Variants in BRD8 observed in about 807,000 individuals in gnomAD.
BRD8 encodes bromodomain containing 8, also known as bromodomain-containing protein 8.
Under a neutral mutation model 143.1 loss-of-function variants are expected in BRD8, and 67 were observed. The observed-to-expected ratio is 0.47, with a 90% CI of 0.38 to 0.57. The LOEUF is 0.57. Ranked by LOEUF, BRD8 falls within the 20% of genes least tolerant of loss-of-function variation. BRD8 has a pLI of 0.00. For missense variants in BRD8, 1,103 were observed against 1,503.0 expected, an observed-to-expected ratio of 0.73 and a Z score of 4.40; for synonymous variants, 505 against 517.1, an observed-to-expected ratio of 0.98 and a Z score of 0.32.
At position 138,164,864 on chromosome 5, in the gene BRD8, T is replaced by C. The variant is rs1388269238; in HGVS notation, c.1581A>G (p.Gly527=). ...GCTCCATACTTGTGGCTGGAACAAC[T>C]CCAGCTACTATTTCGGCTCCTGAAA... The part of the protein sequence containing the change: ...PVISGAEIVA[G]VVPATSMEPP... The change falls in exon 12 of 27, where the codon GGA becomes GGG. Residue 527 remains glycine, a synonymous_variant. Transcript: ENST00000254900. 6.8e-6 allele frequency: 11 copies of C among 1,614,072 alleles called. No individual in the cohort carries two copies. Among genetic ancestry groups the C allele is most frequent in the Middle Eastern group, 1.6e-4 (1 of 6,084 alleles).
intron 20 of BRD8, among the ~76,000 whole-genome samples, chr5:138,153,929 G>C (rs1006381074): frequency 6.6e-6 from 1 of 151,774 alleles, no homozygotes; most frequent in African/African-American, 2.4e-5. Flanking sequence ...ACCCACCTTT[G>C]CCTCCCAAAG....
chr5:138,162,792 T>A (rs1156483407), intron 15 of BRD8, among the ~76,000 whole-genome samples: 1 of 151,542 alleles, frequency 6.6e-6, no homozygotes, highest in Non-Finnish European at 1.5e-5. Flanking sequence ...AGCTCAGGAG[T>A]TTGAGACCAG....
chr5:138,168,385 C>T, intron 8 of BRD8: 1 of 939,362 alleles, frequency 1.1e-6, no homozygotes, highest in Non-Finnish European at 1.7e-6. Flanking sequence ...AACTTTTATT[C>T]CCCATGTCAC....
intron 3 of BRD8, 92 bp from the exon 4 acceptor site, chr5:138,171,502 G>A: frequency 2.4e-6 from 2 of 844,424 alleles, no homozygotes; most frequent in Non-Finnish European, 3.9e-6. Flanking sequence ...GTAAGATTTA[G>A]AGAAGAGAAC....
chr5:138,156,780 C>A, intron 20 of BRD8: 1 of 939,404 alleles, frequency 1.1e-6, no homozygotes, highest in Non-Finnish European at 1.3e-6. Flanking sequence ...GTAACAATCT[C>A]ATTCCTACAA....
intron 23 of BRD8, among the ~76,000 whole-genome samples, chr5:138,147,849 G>A (rs2151183067): frequency 6.6e-6 from 1 of 151,954 alleles, no homozygotes; most frequent in Non-Finnish European, 1.5e-5. Context: ...GAGGTGAGAG[G>A]ATCACCTGAG....
Position 138,172,182 on chromosome 5 carries a change from G to C in BRD8, c.117-48C>G. Reference sequence around the variant, plus strand: ...TTACACACCAAGCAGAAAACAATAGGAGAGGTATGCTGAGAGTGCAAGGCT... The same window carrying C: ...TTACACACCAAGCAGAAAACAATAGCAGAGGTATGCTGAGAGTGCAAGGCT... On this transcript the variant is annotated intron_variant, in intron 2 of 26. Coordinates refer to ENST00000254900, the MANE Select transcript of BRD8 (RefSeq NM_139199.2). 2.0e-6 allele frequency: 3 copies of C among 1,464,602 alleles called. No individual in the cohort carries two copies. The South Asian group carries it at 3.4e-5, about 17-fold the overall frequency. 90.7% of individuals were successfully genotyped at this position (1,464,602 alleles called of 1,614,324 possible).
In BRD8 at chr5:138,162,070, C is replaced by T; in HGVS notation, c.2164G>A (p.Ala722Thr). The change falls in exon 16 of 27, where the codon GCT (alanine) becomes ACT (threonine). Residue 722 changes from alanine (A) to threonine (T), a missense_variant. Physicochemically the swap from Ala to Thr is moderately conservative, Grantham distance 58. This residue lies in a region of BRD8 where 64 missense variants were observed against 211.3 expected (regional missense o/e 0.30). Coordinates refer to ENST00000254900, the MANE Select transcript of BRD8 (RefSeq NM_139199.2). Reference sequence around the variant, plus strand: ...CCCACTCACCTATGATTAGCTGCAGCTCTCCATACAAGCATGATGGCTTTC... The same window carrying T: ...CCCACTCACCTATGATTAGCTGCAGTTCTCCATACAAGCATGATGGCTTTC... Reference protein sequence around the residue: ...WKKAIMLVWRAAANHRYANVF... With the variant: ...WKKAIMLVWRTAANHRYANVF... 6.2e-7 allele frequency: 1 copy of T among 1,613,830 alleles called. No homozygotes were observed. Among genetic ancestry groups the T allele is most frequent in the Non-Finnish European group, 8.5e-7 (1 of 1,179,832 alleles).
chr5:138,164,100 C>A lies in BRD8; in HGVS notation c.1859G>T (p.Gly620Val), dbSNP rs1320074581. The change falls in exon 14 of 27, where the codon GGA becomes GTA. Residue 620 changes from glycine to valine, a missense_variant. Coordinates refer to ENST00000254900, the MANE Select transcript of BRD8 (RefSeq NM_139199.2). ...SLKEESGTIF[G>V]SQIKDAPGED... ...AGTCTGAAATACCTTTATCTGGCTT[C>A]CAAAAATAGTCCCTGATTCTTCTTT... The A allele has an allele frequency of 6.2e-7, 1 of 1,613,918 alleles. No homozygotes were observed. Among genetic ancestry groups the A allele is most frequent in the African/African-American group, 1.3e-5 (1 of 74,910 alleles).
At chr5:138,176,618 G>A (rs568836292) in intron 2 of BRD8, among the ~76,000 whole-genome samples, 4 of 152,012 alleles carry the variant, frequency 2.6e-5, no homozygotes, top group Non-Finnish European at 5.9e-5. Flanking sequence ...CTTGCTTGGG[G>A]GTGGTGAGGA....
rs934252386 is a variant in BRD8, at chr5:138,169,308, G to A, written c.556C>T (p.Arg186Cys). The change falls in exon 8 of 27, where the codon CGC (arginine) becomes TGC (cysteine). Residue 186 changes from arginine (R) to cysteine (C), a missense_variant. By Grantham distance (180) the Arg-to-Cys change is radical (BLOSUM62 -3). Coordinates refer to ENST00000254900, the MANE Select transcript of BRD8 (RefSeq NM_139199.2). ...PPRRLPTVMV[R>C]SPIDSASPGG... ...GGGGAGGCAGAATCTATAGGAGAGCGAACCATCACAGTGGGTAACCTCCGG... is the reference window on the plus strand; with the variant it reads ...GGGGAGGCAGAATCTATAGGAGAGCAAACCATCACAGTGGGTAACCTCCGG... 9.3e-6 allele frequency: 15 copies of A among 1,613,974 alleles called. No homozygotes were observed. The highest frequency in any genetic ancestry group is 6.7e-5 in the African/African-American group (5 of 74,910).
rs1220696588 is a variant in BRD8 at position 138,166,645 on chromosome 5, A to G, written c.870T>C (p.Ser290=). 4 of 1,613,834 alleles carry G rather than the reference A, an allele frequency of 2.5e-6. No homozygotes were observed. Among genetic ancestry groups the G allele is most frequent in the Non-Finnish European group, 2.5e-6 (3 of 1,179,834 alleles). The change falls in exon 10 of 27, where the codon AGT becomes AGC. Residue 290 remains serine (S), a synonymous_variant. Transcript: ENST00000254900. ...TPLASFTTVA[S]EPPVKLVPPP... is the part of the protein sequence containing the mutation. ...GTGGCACAAGTTTAACTGGAGGCTCACTGGCAACAGTAGTGAAGGAAGCAA... is the reference window on the plus strand; with the variant it reads ...GTGGCACAAGTTTAACTGGAGGCTCGCTGGCAACAGTAGTGAAGGAAGCAA...
chr5:138,154,215 A>G (rs1752481902), intron 20 of BRD8, among the ~76,000 whole-genome samples: 1 of 152,072 alleles, frequency 6.6e-6, no homozygotes, highest in Non-Finnish European at 1.5e-5. Flanking sequence ...TCAAATATAA[A>G]TTTCTCAATC....
chr5:138,170,235 C>G (rs1753755625), intron 7 of BRD8, 110 bp downstream of exon 7: 1 of 814,530 alleles, frequency 1.2e-6, no homozygotes, highest in African/African-American at 1.7e-5. Flanking sequence ...GAAGAGAAAA[C>G]TGCAAGTAAA....
intron 2 of BRD8, among the ~76,000 whole-genome samples, chr5:138,175,948 A>C (rs1754297966): frequency 6.6e-6 from 1 of 150,688 alleles, no homozygotes. Context: ...AGTCAAACAT[A>C]ATAAAGTTAC....
At position 138,165,074 on chromosome 5, in the gene BRD8, GC is replaced by G; in HGVS notation, c.1370del (p.Gly457AlafsTer22). On this transcript the variant is annotated frameshift_variant, in exon 12 of 27. Transcript: ENST00000254900. LOFTEE classifies it high-confidence loss of function. ...EENDDPQSLPGPWEHPIQQER... is the reference protein window; with the variant it reads ...EENDDPQSLPXPWEHPIQQER... ...CCTGCTGGATAGGATGCTCCCAGGG[GC>G]CAGGCAGGGACTGAGGATCATCATT... is the stretch of plus-strand genomic sequence containing the variant. 6.2e-7 allele frequency: 1 copy of G among 1,614,170 alleles called. No homozygotes were observed. The highest frequency in any genetic ancestry group is 8.5e-7 in the Non-Finnish European group (1 of 1,180,034).
rs1753682477 is a variant in BRD8, at chr5:138,169,261, C to T, written c.603G>A (p.Gly201=). The T allele has an allele frequency of 6.2e-7, 1 of 1,614,092 alleles. No individual in the cohort carries two copies. Among genetic ancestry groups the T allele is most frequent in the Non-Finnish European group, 8.5e-7 (1 of 1,180,008 alleles). Reference sequence around the variant, plus strand: ...CTTCCATAGTGGTTGGAGTCAAGTCCCCAAGTGGATAATCACCTCCTGGGG... The same window carrying T: ...CTTCCATAGTGGTTGGAGTCAAGTCTCCAAGTGGATAATCACCTCCTGGGG... ...SASPGGDYPL[G]DLTPTTMEEA... Residue 201 remains glycine (G), a synonymous_variant, in exon 8 of 27, where the codon GGG becomes GGA. Transcript: ENST00000254900.
chr5:138,149,882 G>T, intron 22 of BRD8, 85 bp from the exon 23 acceptor site: 3 of 1,354,358 alleles, frequency 2.2e-6, no homozygotes, highest in Non-Finnish European at 3.0e-6. Context: ...AATGAAGGCT[G>T]CCCTTAAGGT....
chr5:138,166,694 C>G lies in BRD8; in HGVS notation c.821G>C (p.Gly274Ala). The change falls in exon 10 of 27, where the codon GGT becomes GCT. Residue 274 changes from glycine to alanine, a missense_variant. Gly to Ala is a moderately conservative substitution (Grantham distance 60). Around this residue, in one of 7 missense-constraint regions of BRD8, gnomAD observed 334 missense variants for 372.5 expected, o/e 0.90. Transcript: ENST00000254900. The part of the protein sequence containing the change: ...APTLSRLLEA[G>A]PTQFTTPLAS... ...AAGAGGTGTGGTGAACTGTGTAGGA[C>G]CAGCTTCTAAAAGCCGGGAAAGAGT... 1.2e-6 allele frequency: 2 copies of G among 1,613,604 alleles called. No homozygotes were observed. Among genetic ancestry groups the G allele is most frequent in the Non-Finnish European group, 1.7e-6 (2 of 1,179,692 alleles).
Sources: allele counts gnomAD v4.1 joint callset (sites outside exome capture counted in the v4.1 genomes callset), GRCh38; gene constraint gnomAD v4.1.1; regional missense constraint gnomAD v4.1.1; transcripts MANE v1.5; gene names NCBI Gene and HGNC (gene_info 2026-07-23, HGNC 2026-07-21).